ABR: variants seen among roughly 807,000 people sequenced by gnomAD.
ABR encodes ABR activator of RhoGEF and GTPase.
ABR carries 35 observed loss-of-function variants against 107.2 expected under a neutral mutation model. The ratio of observed to expected loss-of-function variants is 0.33; its 90% CI spans 0.25 to 0.43. The LOEUF (loss-of-function observed/expected upper bound fraction) is 0.43, where lower values mean the gene tolerates loss of function less well. Ranked by LOEUF, ABR falls within the 20% of genes least tolerant of loss-of-function variation. ABR has a pLI of 1.00. For missense variants in ABR, 815 were observed against 1,115.2 expected, an observed-to-expected ratio of 0.73 and a Z score of 3.83; for synonymous variants, 498 against 462.0, an observed-to-expected ratio of 1.08 and a Z score of -1.00.
At chr17:1,103,385 G>C (rs1388104677) in intron 2 of ABR, among the ~76,000 whole-genome samples, 1 of 152,148 alleles carries the variant, frequency 6.6e-6, no homozygotes, top group African/African-American at 2.4e-5. Flanking sequence ...TCCCAGCCTT[G>C]ACAAATGGGA....
upstream of ABR, among the ~76,000 whole-genome samples, chr17:1,182,688 G>A (rs914270848): frequency 1.3e-5 from 2 of 152,136 alleles, no homozygotes; most frequent in Non-Finnish European, 2.9e-5. Flanking sequence ...TAAACACCAC[G>A]CATACTGCCT....
chr17:1,015,535 CA>C (rs1265727747), intron 16 of ABR, among the ~76,000 whole-genome samples: 3 of 151,844 alleles, frequency 2.0e-5, no homozygotes, highest in Non-Finnish European at 4.4e-5. Context: ...TGGCTCACAG[CA>C]ACCTCCGCCT....
At chr17:1,193,372 C>T (rs879276928) in intron 1 of ABR, among the ~76,000 whole-genome samples, 2 of 151,770 alleles carry the variant, frequency 1.3e-5, no homozygotes, top group East Asian at 3.9e-4. Context: ...CCAGTATTTA[C>T]GTTCTAGGCA....
intron 2 of ABR, among the ~76,000 whole-genome samples, chr17:1,114,663 C>T (rs1053308207): frequency 1.3e-5 from 2 of 151,972 alleles, no homozygotes; most frequent in East Asian, 3.9e-4. Flanking sequence ...GTCCCAGCTA[C>T]TCAGGAGGCT....
In ABR at chr17:1,011,596, A is replaced by G; in HGVS notation, c.2101+250T>C. The G allele has an allele frequency of 2.7e-6, 1 of 367,042 alleles. No individual in the cohort carries two copies. The highest frequency in any genetic ancestry group is 9.7e-5 in the South Asian group (1 of 10,340). 22.7% of individuals were successfully genotyped at this position (367,042 alleles called of 1,614,324 possible). On this transcript the variant is annotated intron_variant, in intron 19 of 22. Transcript: ENST00000302538. The surrounding 1 kb of genome is among the most constrained non-coding windows in gnomAD (Gnocchi z 4.8). ...AGATCTGAGTTTTAAGTCCAGAACC[A>G]AAACCTACAAGTTGGGTCATCCTGG...
rs570432648 is a variant in ABR at position 1,197,997 on chromosome 17, G to A, written c.838+30796C>T. 3.3e-3 allele frequency among the ~76,000 whole-genome samples: 501 copies of A among 151,820 alleles called. 3 individuals carry two copies. Among genetic ancestry groups the A allele is most frequent in the Middle Eastern group, 0.017 (5 of 294 alleles). ...CCGCTGCTGCTGCGCCCGGCTGGCC[G>A]CAGCCCCACGCTGTGGGTTAGTTCT... is the stretch of plus-strand genomic sequence containing the variant. On this transcript the variant is annotated intron_variant, in intron 1 of 22. Coordinates refer to the ABR transcript ENST00000574139.
intron 16 of ABR, among the ~76,000 whole-genome samples, chr17:1,041,459 G>A (rs2030471910): frequency 6.6e-6 from 1 of 152,180 alleles, no homozygotes; most frequent in African/African-American, 2.4e-5. Context: ...ACTTGGCCGG[G>A]TGCGGTGGCT....
At chr17:1,212,321 C>A (rs2042918387) in intron 1 of ABR, among the ~76,000 whole-genome samples, 1 of 151,900 alleles carries the variant, frequency 6.6e-6, no homozygotes, top group African/African-American at 2.4e-5. Flanking sequence ...GTCCCAGCTA[C>A]TTGAGAGGCT....
chr17:1,167,088 G>C (rs368695937), intron 1 of ABR, among the ~76,000 whole-genome samples: 2 of 151,998 alleles, frequency 1.3e-5, no homozygotes, highest in African/African-American at 4.8e-5. Context: ...ATCATGGCAC[G>C]GGGGCTGGGG....
rs1260301302 is a variant in ABR, at chr17:1,195,083, G to A, written c.838+33710C>T. Among the ~76,000 whole-genome samples the A allele has an allele frequency of 1.7e-3, 245 of 146,176 alleles. 1 individual carries two copies. Among genetic ancestry groups the A allele is most frequent in the African/African-American group, 5.3e-3 (214 of 40,536 alleles). On this transcript the variant is annotated intron_variant, in intron 1 of 22. Transcript: ENST00000574139. ...AGCACTTTGGGAGGCCGAGGCGGGC[G>A]GATCACGAGGTCAGGAGATCGAGAC...
intron 1 of ABR, among the ~76,000 whole-genome samples, chr17:1,205,550 T>C (rs928280086): frequency 6.6e-6 from 1 of 152,116 alleles, no homozygotes; most frequent in African/African-American, 2.4e-5. Context: ...GTGGCTCACG[T>C]CTGTAATCCC....
At chr17:1,186,848 T>G (rs915346517) in exon 1 of ABR, 3 of 152,326 alleles carry the variant, frequency 2.0e-5, no homozygotes, top group African/African-American at 7.2e-5. Context: ...AAGAGTCCAA[T>G]GGATTCTCTA....
chr17:1,057,649 A>ATG (rs757782354), intron 12 of ABR, among the ~76,000 whole-genome samples: 19 of 137,600 alleles, frequency 1.4e-4, no homozygotes, highest in African/African-American at 4.9e-4. Context: ...GCCTCTGTGT[A>ATG]TGTGTGTATG....
At chr17:1,108,676 C>T (rs556775309) in intron 2 of ABR, among the ~76,000 whole-genome samples, 11 of 152,368 alleles carry the variant, frequency 7.2e-5, no homozygotes, top group Admixed American at 2.0e-4. Context: ...CTGACAGGCG[C>T]GCCAGGTGAC....
chr17:1,177,352 G>A (rs1472388179), intron 1 of ABR, among the ~76,000 whole-genome samples: 2 of 152,164 alleles, frequency 1.3e-5, no homozygotes, highest in African/African-American at 2.4e-5. Context: ...TCACACTGCG[G>A]CCACATCAGT....
intron 9 of ABR, among the ~76,000 whole-genome samples, chr17:1,069,267 G>A (rs991853385): frequency 1.3e-5 from 2 of 152,070 alleles, no homozygotes; most frequent in African/African-American, 4.8e-5. Context: ...GGGGGACGGG[G>A]TTTCCTCCAA....
chr17:1,069,563 T>G (rs2035039640), intron 9 of ABR, among the ~76,000 whole-genome samples: 1 of 151,960 alleles, frequency 6.6e-6, no homozygotes, highest in African/African-American at 2.4e-5. Context: ...TCCCAGCTAC[T>G]CAGGAGGCTG....
Position 1,010,687 on chromosome 17 carries a change from C to CA in ABR, c.2236+41dup. ...CTTCTCCGGGCAGGGAGTCCTGGCT[C>CA]AGTCTGGCCCAGCCCAGTCCTAGGA... On this transcript the variant is annotated intron_variant, in intron 20 of 22. Coordinates refer to ENST00000302538, the MANE Select transcript of ABR (RefSeq NM_021962.5). This position sits in a 1 kb window ranked among gnomAD's most constrained non-coding sequence, Gnocchi z 4.1. The CA allele has an allele frequency of 6.2e-7, 1 of 1,600,150 alleles. No homozygotes were observed. The highest frequency in any genetic ancestry group is 8.5e-7 in the Non-Finnish European group (1 of 1,172,272).
intron 1 of ABR, among the ~76,000 whole-genome samples, chr17:1,127,131 C>T (rs2039637262): frequency 6.6e-6 from 1 of 152,246 alleles, no homozygotes; most frequent in Non-Finnish European, 1.5e-5. Flanking sequence ...TGTCGGCTGC[C>T]TCTCCTCGTC....
Sources: gnomAD v4.1 joint callset for allele counts (sites outside exome capture counted in the v4.1 genomes callset) on GRCh38, gnomAD v4.1.1 for gene constraint, Gnocchi (gnomAD v3.1) non-coding constraint, MANE v1.5 for transcripts, NCBI Gene and HGNC (gene_info 2026-07-23, HGNC 2026-07-21) for gene names.